Variants in RAB27B observed in about 807,000 individuals in gnomAD.
RAB27B encodes the protein ras-related protein Rab-27B.
In RAB27B, 15 loss-of-function variants were observed where a neutral mutation model predicts 24.6. The ratio of observed to expected loss-of-function variants is 0.61; its 90% CI spans 0.41 to 0.94. The LOEUF is 0.94. Among genes scored for constraint, RAB27B ranks in the 40% least tolerant of loss-of-function variants. The pLI, the probability that RAB27B is intolerant of heterozygous loss-of-function variation, is 0.00. For synonymous variants in RAB27B, 105 were observed against 92.5 expected, an observed-to-expected ratio of 1.14 and a Z score of -0.78; for missense variants, 261 against 266.8, an observed-to-expected ratio of 0.98 and a Z score of 0.15.
At chr18:54,754,506 G>C (rs1051579868) in intron 2 of RAB27B, among the ~76,000 whole-genome samples, 1 of 152,180 alleles carries the variant, frequency 6.6e-6, no homozygotes, top group African/African-American at 2.4e-5. Flanking sequence ...GCAAAGTACA[G>C]TGAGAAGCAA....
chr18:54,749,455 C>A (rs1315620150), intron 2 of RAB27B, among the ~76,000 whole-genome samples: 3 of 152,126 alleles, frequency 2.0e-5, no homozygotes, highest in African/African-American at 7.2e-5. Context: ...TCTGTAAGAC[C>A]TGCTGGGGTA....
intron 2 of RAB27B, among the ~76,000 whole-genome samples, chr18:54,751,363 G>A (rs2145032477): frequency 6.6e-6 from 1 of 152,274 alleles, no homozygotes; most frequent in Non-Finnish European, 1.5e-5. Flanking sequence ...CAGTGCTAGT[G>A]ACTGAGAATT....
chr18:54,736,719 T>G (rs909598614), intron 2 of RAB27B, among the ~76,000 whole-genome samples: 7 of 152,104 alleles, frequency 4.6e-5, no homozygotes, highest in African/African-American at 1.7e-4. Flanking sequence ...GTAGGAATTT[T>G]CTAGGCTAAG....
intron 2 of RAB27B, among the ~76,000 whole-genome samples, chr18:54,763,496 G>A (rs1908261089): frequency 6.6e-6 from 1 of 152,112 alleles, no homozygotes; most frequent in Non-Finnish European, 1.5e-5. Flanking sequence ...TTTGGTAGGT[G>A]GAGATTATCA....
intron 1 of RAB27B, among the ~76,000 whole-genome samples, chr18:54,834,137 G>A (rs1910801515): frequency 6.6e-6 from 1 of 152,152 alleles, no homozygotes; most frequent in African/African-American, 2.4e-5. Context: ...TGAAAGTATA[G>A]TTATAAAATA....
At chr18:54,882,519 G>A (rs907766545) in intron 3 of RAB27B, among the ~76,000 whole-genome samples, 6 of 152,174 alleles carry the variant, frequency 3.9e-5, no homozygotes, top group African/African-American at 1.2e-4. Flanking sequence ...TAGCCCACAT[G>A]CAGTGTTGGG....
At chr18:54,859,327 A>T (rs1415595181) in intron 1 of RAB27B, among the ~76,000 whole-genome samples, 1 of 152,204 alleles carries the variant, frequency 6.6e-6, no homozygotes, top group African/African-American at 2.4e-5. Context: ...AGTCAACAGG[A>T]TATGTTTCCA....
At position 54,784,406 on chromosome 18, in the gene RAB27B, C is replaced by T. The variant is rs141106985; in HGVS notation, c.-20+66265C>T. On this transcript the variant is annotated intron_variant, in intron 2 of 4. Transcript: ENST00000586570. ...TCTAATGATCACACTGCCCAGGAAG[C>T]AAACATTGTACCGGATAGATTGTTT... Among the ~76,000 whole-genome samples the T allele has an allele frequency of 2.8e-3, 433 of 152,258 alleles. 6 individuals carry two copies. Among genetic ancestry groups the T allele is most frequent in the South Asian group, 0.028 (135 of 4,822 alleles).
Position 54,889,486 on chromosome 18 carries a change from T to C in RAB27B, c.*73T>C. 7.2e-7 allele frequency: 1 copy of C among 1,391,756 alleles called. No individual in the cohort carries two copies. Among genetic ancestry groups the C allele is most frequent in the Non-Finnish European group, 9.6e-7 (1 of 1,037,264 alleles). 86.2% of individuals were successfully genotyped at this position (1,391,756 alleles called of 1,614,324 possible). On this transcript the variant is annotated 3_prime_UTR_variant, in exon 6 of 6. Coordinates refer to ENST00000262094, the MANE Select transcript of RAB27B (RefSeq NM_004163.4). Reference sequence around the variant, plus strand: ...TTAAAAACAATGACAAACCACACAATTGTTGTTGAGTAAACCACGCACAAT... The same window carrying C: ...TTAAAAACAATGACAAACCACACAACTGTTGTTGAGTAAACCACGCACAAT...
intron 2 of RAB27B, among the ~76,000 whole-genome samples, chr18:54,805,083 C>G (rs536175763): frequency 6.6e-6 from 1 of 151,718 alleles, no homozygotes; most frequent in Admixed American, 6.6e-5. Context: ...CTGGAGGTCT[C>G]CTTAATCCAA....
At chr18:54,724,193 T>G (rs1909455572) in intron 2 of RAB27B, among the ~76,000 whole-genome samples, 1 of 151,578 alleles carries the variant, frequency 6.6e-6, no homozygotes, top group African/African-American at 2.4e-5. Context: ...AGGAAAAATT[T>G]TAAAAATTTT....
At chr18:54,743,883 T>C (rs528304511) in intron 2 of RAB27B, among the ~76,000 whole-genome samples, 2 of 152,248 alleles carry the variant, frequency 1.3e-5, no homozygotes, top group African/African-American at 4.8e-5. Flanking sequence ...CCTTAGGAAA[T>C]CGACCGTAAG....
chr18:54,895,182 C>T lies in RAB27B; in HGVS notation c.*5769C>T, dbSNP rs1052740335. Reference sequence around the variant, plus strand: ...TAACACTGAAGTGCTTCATTGTATCCCAACAGTTTACCTTCAAGTAATATT... The same window carrying T: ...TAACACTGAAGTGCTTCATTGTATCTCAACAGTTTACCTTCAAGTAATATT... On this transcript the variant is annotated 3_prime_UTR_variant, in exon 6 of 6. Transcript: ENST00000262094. The T allele has an allele frequency of 6.6e-6, 1 of 151,964 alleles. No homozygotes were observed. Among genetic ancestry groups the T allele is most frequent in the African/African-American group, 2.4e-5 (1 of 41,400 alleles). The allele number at this position is 151,964 out of a possible 1,614,324, so 9.4% of individuals were successfully genotyped here. A position where few individuals can be genotyped will look rare whatever the true frequency, so the allele number is the denominator to read the frequency against.
intron 2 of RAB27B, among the ~76,000 whole-genome samples, chr18:54,815,463 T>C (rs1358722079): frequency 2.0e-5 from 3 of 152,202 alleles, no homozygotes; most frequent in South Asian, 4.1e-4. Flanking sequence ...ATGGCTATTT[T>C]CCAAATACTC....
At chr18:54,843,148 ACT>A (rs1246855701) in intron 1 of RAB27B, among the ~76,000 whole-genome samples, 1 of 152,126 alleles carries the variant, frequency 6.6e-6, no homozygotes, top group East Asian at 1.9e-4. Context: ...AAAGTAAATC[ACT>A]GTCTTTCAAA....
intron 1 of RAB27B, among the ~76,000 whole-genome samples, chr18:54,859,845 T>C (rs937096901): frequency 3.9e-5 from 6 of 152,212 alleles, no homozygotes; most frequent in African/African-American, 1.4e-4. Flanking sequence ...TTAGCCATTG[T>C]TGACATATTG....
At chr18:54,832,440 G>A (rs1020998193) in intron 1 of RAB27B, among the ~76,000 whole-genome samples, 3 of 152,168 alleles carry the variant, frequency 2.0e-5, no homozygotes, top group African/African-American at 4.8e-5. Flanking sequence ...CTTTTGAAGC[G>A]TTTTTCAACA....
chr18:54,796,374 G>A (rs1310378026), intron 2 of RAB27B, among the ~76,000 whole-genome samples: 1 of 152,232 alleles, frequency 6.6e-6, no homozygotes, highest in African/African-American at 2.4e-5. Context: ...CAGAGGACCA[G>A]TATGACAGCT....
chr18:54,869,927 A>G (rs1912395349), intron 1 of RAB27B, among the ~76,000 whole-genome samples: 1 of 152,158 alleles, frequency 6.6e-6, no homozygotes, highest in Non-Finnish European at 1.5e-5. Flanking sequence ...CCTAAGAAAA[A>G]ACAGGATTAA....
Sources: allele counts gnomAD v4.1 joint callset (sites outside exome capture counted in the v4.1 genomes callset), GRCh38; gene constraint gnomAD v4.1.1; transcripts MANE v1.5; gene names NCBI Gene and HGNC (gene_info 2026-07-23, HGNC 2026-07-21).